CHUK: variants seen among roughly 807,000 people sequenced by gnomAD.
CHUK encodes inhibitor of nuclear factor kappa-B kinase subunit alpha.
CHUK carries 35 observed loss-of-function variants against 104.8 expected under a neutral mutation model. That is an observed-to-expected ratio of 0.33 (90% confidence interval 0.26 to 0.44). The LOEUF (loss-of-function observed/expected upper bound fraction) is 0.44, where lower values mean the gene tolerates loss of function less well. Among genes scored for constraint, CHUK ranks in the 20% least tolerant of loss-of-function variants. The pLI is 1.00. For missense variants in CHUK, 663 were observed against 902.7 expected, an observed-to-expected ratio of 0.73 and a Z score of 3.40; for synonymous variants, 276 against 291.9, an observed-to-expected ratio of 0.95 and a Z score of 0.56.
In CHUK at chr10:100,204,636, A is replaced by G. The variant is rs1845548540; in HGVS notation, c.1377T>C (p.Asn459=). The G allele has an allele frequency of 3.1e-6, 5 of 1,611,252 alleles. No individual in the cohort carries two copies. The highest frequency in any genetic ancestry group is 4.2e-6 in the Non-Finnish European group (5 of 1,177,876). ...RAAMLSLLRY[N]ANLTKMKNTL... ...TGTTCTTCATTTTTGTTAAGTTAGC[A>G]TTATATCTAAGAAGACTTAACCTAA... Residue 459 remains asparagine, a synonymous_variant, in exon 13 of 21, where the codon AAT becomes AAC. Transcript: ENST00000370397.
In CHUK at chr10:100,193,249, T is replaced by C. The variant is rs778209659; in HGVS notation, c.2108+49A>G. 27 of 1,603,358 alleles carry C rather than the reference T, an allele frequency of 1.7e-5. No individual in the cohort carries two copies. The South Asian group carries it at 2.2e-4, about 13-fold the overall frequency. ...CTTAACAACTACTGCCTCATTCCTA[T>C]ACCACTGCTATGAAAACACAGCTAT... is the stretch of plus-strand genomic sequence containing the variant. On this transcript the variant is annotated intron_variant, in intron 19 of 20. Coordinates refer to ENST00000370397, the MANE Select transcript of CHUK (RefSeq NM_001278.5).
chr10:100,226,149 T>G, intron 1 of CHUK, 132 bp from the exon 2 acceptor site: 1 of 644,470 alleles, frequency 1.6e-6, no homozygotes, highest in Non-Finnish European at 2.8e-6. Flanking sequence ...ACAGCTCTCT[T>G]GAGGCAATGC....
intron 8 of CHUK, 105 bp from the exon 9 acceptor site, chr10:100,218,235 T>C (rs1156451997): frequency 1.0e-6 from 1 of 984,914 alleles, no homozygotes. Context: ...CTTTCCCACA[T>C]CACTTGTCTG....
chr10:100,199,256 C>T (rs1589579961), intron 16 of CHUK, among the ~76,000 whole-genome samples: 1 of 152,194 alleles, frequency 6.6e-6, no homozygotes, highest in East Asian at 1.9e-4. Context: ...TGGCCTAGAA[C>T]AGCACAGGCC....
chr10:100,224,147 G>A (rs954055713), intron 2 of CHUK, among the ~76,000 whole-genome samples: 4 of 151,982 alleles, frequency 2.6e-5, no homozygotes, highest in African/African-American at 9.7e-5. Context: ...AGATCTTTCT[G>A]GGGAAAGCTA....
At chr10:100,209,499 G>A (rs1218121235) in intron 10 of CHUK, 96 bp downstream of exon 10, 4 of 763,606 alleles carry the variant, frequency 5.2e-6, no homozygotes, top group Non-Finnish European at 9.3e-6. Flanking sequence ...AAAATGTGCG[G>A]CCTCCCAAGG....
rs561169600 is a variant in CHUK, at chr10:100,209,905, C to T, written c.934-116G>A. 3.9e-5 allele frequency: 23 copies of T among 592,270 alleles called. No homozygotes were observed. The South Asian group carries it at 4.2e-4, about 11-fold the overall frequency. The allele number at this position is 592,270 out of a possible 1,614,324, so 36.7% of individuals were successfully genotyped here. A position where few individuals can be genotyped will look rare whatever the true frequency, so the allele number is the denominator to read the frequency against. On this transcript the variant is annotated intron_variant, in intron 9 of 20. Coordinates refer to ENST00000370397, the MANE Select transcript of CHUK (RefSeq NM_001278.5). The stretch of plus-strand genomic sequence containing the variant: ...GGCATTATTTCTACATTAAACAAGG[C>T]TCACTCATTCTCCAAAGTGAGATCT...
At position 100,220,620 on chromosome 10, in the gene CHUK, C is replaced by T. The variant is rs1845964517; in HGVS notation, c.442G>A (p.Glu148Lys). The change falls in exon 5 of 21, where the codon GAA becomes AAA. Residue 148 changes from glutamate (E) to lysine (K), a missense_variant. Glu to Lys is a moderately conservative substitution (Grantham distance 56). This residue lies in a region of CHUK where 200 missense variants were observed against 333.0 expected (regional missense o/e 0.60). Coordinates refer to ENST00000370397, the MANE Select transcript of CHUK (RefSeq NM_001278.5). ...CCAACATCCTGAAGAACTATGTTTT[C>T]AGGTTTTAGATCTCGATGTATAATT... ...NKIIHRDLKPENIVLQDVGGK... is the reference protein window; with the variant it reads ...NKIIHRDLKPKNIVLQDVGGK... The T allele has an allele frequency of 1.2e-6, 2 of 1,612,892 alleles. No homozygotes were observed. Among genetic ancestry groups the T allele is most frequent in the Non-Finnish European group, 1.7e-6 (2 of 1,179,066 alleles).
In CHUK at chr10:100,201,153, C is replaced by T. The variant is rs147433120; in HGVS notation, c.1570-373G>A. Among the ~76,000 whole-genome samples the T allele has an allele frequency of 2.5e-3, 384 of 152,266 alleles. 1 individual carries two copies. Among genetic ancestry groups the T allele is most frequent in the African/African-American group, 9.0e-3 (375 of 41,552 alleles). ...ATGATTTTGACTGCCCCCTGGTCCC[C>T]ACTACCTTGAATAGGGACACAAAAA... On this transcript the variant is annotated intron_variant, in intron 14 of 20. Transcript: ENST00000370397.
Position 100,188,501 on chromosome 10 carries a change from T to G in CHUK, c.*1097A>C, listed in dbSNP as rs1259077399. The G allele has an allele frequency of 6.6e-6, 1 of 152,660 alleles. No individual in the cohort carries two copies. Among genetic ancestry groups the G allele is most frequent in the Non-Finnish European group, 1.5e-5 (1 of 68,034 alleles). The allele number at this position is 152,660 out of a possible 1,614,324, so 9.5% of individuals were successfully genotyped here. ...GTCCACAGTCCTTTCTCTGAAACCC[T>G]TGGGGCAAGTTGTTTCAGAATTATG... On this transcript the variant is annotated 3_prime_UTR_variant, in exon 21 of 21. Coordinates refer to ENST00000370397, the MANE Select transcript of CHUK (RefSeq NM_001278.5).
Position 100,225,961 on chromosome 10 carries a change from GT to G in CHUK, c.161del (p.Asn54ThrfsTer12), listed in dbSNP as rs1445929577. On this transcript the variant is annotated frameshift_variant, in exon 2 of 21. Coordinates refer to ENST00000370397, the MANE Select transcript of CHUK (RefSeq NM_001278.5). LOFTEE classifies it high-confidence loss of function. ...KSCRLELSTK[N>X]RERWCHEIQI... ...GGATTTCATGGCACCATCGTTCTCT[GT>G]TTTTGGTACTTAGCTCTAGGCGACA... 6.2e-7 allele frequency: 1 copy of G among 1,609,318 alleles called. No homozygotes were observed. The highest frequency in any genetic ancestry group is 8.5e-7 in the Non-Finnish European group (1 of 1,175,938).
chr10:100,189,919 G>T (rs1172366745), intron 20 of CHUK: 1 of 326,676 alleles, frequency 3.1e-6, no homozygotes, highest in Non-Finnish European at 5.7e-6. Context: ...CAATCATAAT[G>T]CACTGCAGCC....
intron 20 of CHUK, chr10:100,190,395 G>A (rs919167307): frequency 1.9e-4 from 36 of 186,154 alleles, no homozygotes; most frequent in Non-Finnish European, 4.5e-5. Flanking sequence ...AATTGATTCA[G>A]TAGACATTTT....
intron 18 of CHUK, 113 bp downstream of exon 18, chr10:100,193,871 A>G (rs755487068): frequency 5.6e-5 from 52 of 928,886 alleles, no homozygotes; most frequent in Non-Finnish European, 8.6e-5. Context: ...TGTCATCCCA[A>G]TGCAAAATAT....
At chr10:100,220,292 G>A (rs1183823727) in intron 5 of CHUK, among the ~76,000 whole-genome samples, 1 of 151,858 alleles carries the variant, frequency 6.6e-6, no homozygotes, top group Non-Finnish European at 1.5e-5. Context: ...TAGATACTAT[G>A]ATGGAAAAAC....
chr10:100,194,212 T>G, intron 17 of CHUK, 81 bp from the exon 18 acceptor site: 1 of 1,458,970 alleles, frequency 6.9e-7, no homozygotes, highest in South Asian at 1.1e-5. Context: ...GCTGAGGAAA[T>G]GAACCACAAT....
rs772015253 is a variant in CHUK at position 100,222,122 on chromosome 10, T to C, written c.375A>G (p.Leu125=). 6 of 1,544,498 alleles carry C rather than the reference T, an allele frequency of 3.9e-6. No homozygotes were observed. Among genetic ancestry groups the C allele is most frequent in the Non-Finnish European group, 4.5e-6 (5 of 1,117,658 alleles). The change falls in exon 4 of 21, where the codon CTA becomes CTG. Residue 125 remains leucine, a synonymous_variant. Coordinates refer to ENST00000370397, the MANE Select transcript of CHUK (RefSeq NM_001278.5). ...GLKESQILSL[L]SDIGSGIRYL... ...AATACTGATACGTACCTATATCACT[T>C]AGTAAAGAAAGTATCTGGCTTTCTT...
intron 1 of CHUK, 120 bp downstream of exon 1, chr10:100,229,308 C>T: frequency 6.5e-6 from 5 of 771,716 alleles, no homozygotes; most frequent in South Asian, 5.8e-5. Context: ...CCACTGGCCC[C>T]CAAATACTGC....
At chr10:100,192,829 A>G (rs1845235273) in intron 19 of CHUK, 1 of 730,752 alleles carries the variant, frequency 1.4e-6, no homozygotes, top group Admixed American at 5.7e-5. Context: ...TAGAAATACA[A>G]AGTTATAAAA....
Sources: gnomAD v4.1 joint callset for allele counts (sites outside exome capture counted in the v4.1 genomes callset) on GRCh38, gnomAD v4.1.1 for gene constraint, gnomAD v4.1.1 regional missense constraint, MANE v1.5 for transcripts, NCBI Gene and HGNC (gene_info 2026-07-23, HGNC 2026-07-21) for gene names.